Variants in XXYLT1 observed in about 807,000 individuals in gnomAD.
XXYLT1 encodes the protein UDP-xylose:alpha-xyloside alpha-1,3-xylosyltransferase.
XXYLT1 carries 20 observed loss-of-function variants against 28.9 expected under a neutral mutation model. The observed-to-expected ratio is 0.69, with a 90% CI of 0.49 to 1.00. XXYLT1 has a LOEUF of 1.00. Among genes scored for constraint, XXYLT1 ranks in the 50% least tolerant of loss-of-function variants. The probability of loss-of-function intolerance (pLI) is 0.00; values close to 1 mark genes in which losing one functional copy is unlikely to be tolerated. For missense variants in XXYLT1, 542 were observed against 560.1 expected (o/e 0.97, Z 0.33); for synonymous variants, 257 against 253.8 (o/e 1.01, Z -0.12).
chr3:195,088,340 G>C (rs1320411457), intron 3 of XXYLT1, among the ~76,000 whole-genome samples: 1 of 148,846 alleles, frequency 6.7e-6, no homozygotes, highest in Non-Finnish European at 1.5e-5. Context: ...GGAGATCTGA[G>C]AACGGGCAGA....
At chr3:195,239,302 C>T (rs1221307674) in intron 1 of XXYLT1, among the ~76,000 whole-genome samples, 1 of 152,138 alleles carries the variant, frequency 6.6e-6, no homozygotes, top group Non-Finnish European at 1.5e-5. Context: ...GGGTCCTTTG[C>T]CCAGACCAGG....
intron 2 of XXYLT1, among the ~76,000 whole-genome samples, chr3:195,179,574 C>T (rs909637452): frequency 2.0e-5 from 3 of 152,132 alleles, no homozygotes; most frequent in East Asian, 1.9e-4. Context: ...AAGAGGCCTG[C>T]GTGTGTGGAG....
In XXYLT1 at chr3:195,188,514, C is replaced by G. The variant is rs180987313; in HGVS notation, c.653-31933G>C. Among the ~76,000 whole-genome samples the G allele has an allele frequency of 3.6e-3, 542 of 152,362 alleles. 1 individual carries two copies. Among genetic ancestry groups the G allele is most frequent in the Admixed American group, 0.01 (160 of 15,308 alleles). ...GCAGAATTGCTGCTGAGCTGATACT[C>G]TAGGCATGCTGAGTGCTCTAGGTAC... On this transcript the variant is annotated intron_variant, in intron 2 of 3. Coordinates refer to ENST00000310380, the MANE Select transcript of XXYLT1 (RefSeq NM_152531.5).
intron 3 of XXYLT1, among the ~76,000 whole-genome samples, chr3:195,089,330 G>A (rs1405857011): frequency 2.0e-5 from 3 of 152,038 alleles, no homozygotes; most frequent in Admixed American, 2.0e-4. Flanking sequence ...TGGATCTCTC[G>A]GCAGAAACCC....
intron 2 of XXYLT1, chr3:195,207,517 C>T: frequency 2.2e-6 from 1 of 455,568 alleles, no homozygotes; most frequent in South Asian, 1.6e-5. Context: ...AAAAGATAGC[C>T]TTGCTCAAAT....
intron 3 of XXYLT1, among the ~76,000 whole-genome samples, chr3:195,084,098 TCTC>T (rs1414274620): frequency 3.9e-5 from 6 of 152,150 alleles, no homozygotes; most frequent in African/African-American, 1.4e-4. Context: ...AAAGAGCTCA[TCTC>T]CTGTGCTTTC....
intron 2 of XXYLT1, among the ~76,000 whole-genome samples, chr3:195,212,659 G>T (rs1361773097): frequency 6.6e-6 from 1 of 152,208 alleles, no homozygotes; most frequent in Non-Finnish European, 1.5e-5. Context: ...GCATGCGAGG[G>T]ATCTAGGCTG....
chr3:195,251,255 C>T lies in XXYLT1; in HGVS notation c.504+19300G>A, dbSNP rs1725241044. 1.3e-5 allele frequency among the ~76,000 whole-genome samples: 2 copies of T among 152,242 alleles called. 1 individual carries two copies. Among genetic ancestry groups the T allele is most frequent in the Non-Finnish European group, 2.9e-5 (2 of 68,038 alleles). ...GGTTAGGAAAAGCAGAGACCACTTG[C>T]TAACTGCAAAAATCAAGTGGATGAC... On this transcript the variant is annotated intron_variant, in intron 1 of 3. Coordinates refer to ENST00000310380, the MANE Select transcript of XXYLT1 (RefSeq NM_152531.5).
At chr3:195,225,216 C>G (rs995496590) in intron 2 of XXYLT1, among the ~76,000 whole-genome samples, 1 of 152,226 alleles carries the variant, frequency 6.6e-6, no homozygotes, top group African/African-American at 2.4e-5. Flanking sequence ...GATCTTCACC[C>G]TAGGCCCTGT....
At chr3:195,119,964 C>G (rs1478443829) in intron 3 of XXYLT1, among the ~76,000 whole-genome samples, 1 of 152,166 alleles carries the variant, frequency 6.6e-6, no homozygotes, top group African/African-American at 2.4e-5. Context: ...TCCCTGCATT[C>G]CCTTGGGATG....
intron 2 of XXYLT1, among the ~76,000 whole-genome samples, chr3:195,196,342 G>A (rs1722623254): frequency 1.3e-5 from 2 of 152,230 alleles, no homozygotes; most frequent in South Asian, 2.1e-4. Flanking sequence ...AGGGCAAGAT[G>A]CTCCCTAGCC....
intron 1 of XXYLT1, chr3:195,259,698 A>T (rs1040474544): frequency 1.5e-5 from 15 of 984,460 alleles, no homozygotes; most frequent in Non-Finnish European, 1.3e-5. Context: ...CCAGGGACAG[A>T]CCCAGCACCA....
intron 2 of XXYLT1, among the ~76,000 whole-genome samples, chr3:195,169,223 C>T (rs533234377): frequency 4.6e-5 from 7 of 152,374 alleles, no homozygotes; most frequent in Admixed American, 6.5e-5. Context: ...GATGAGCTCA[C>T]GTGGGCTCTC....
At chr3:195,109,637 GGT>G (rs1482759313) in intron 3 of XXYLT1, among the ~76,000 whole-genome samples, 9 of 116,566 alleles carry the variant, frequency 7.7e-5, no homozygotes, top group East Asian at 6.8e-4. Context: ...GTGTCTGTGT[GGT>G]GTGTGTGGTG....
chr3:195,260,731 G>C (rs1349558949), intron 1 of XXYLT1, among the ~76,000 whole-genome samples: 1 of 152,220 alleles, frequency 6.6e-6, no homozygotes, highest in Non-Finnish European at 1.5e-5. Flanking sequence ...TCTAAAGGCA[G>C]CTCGCTGTGG....
intron 2 of XXYLT1, among the ~76,000 whole-genome samples, chr3:195,177,936 TAAAAA>T (rs56022005): frequency 4.0e-4 from 46 of 115,610 alleles, no homozygotes; most frequent in South Asian, 1.4e-3. Context: ...CTCTGTCTCT[TAAAAA>T]AAAAAAAAAA....
chr3:195,251,602 T>C (rs749700533), intron 1 of XXYLT1, among the ~76,000 whole-genome samples: 1 of 152,128 alleles, frequency 6.6e-6, no homozygotes, highest in Non-Finnish European at 1.5e-5. Flanking sequence ...TCTCGGAAGG[T>C]TGGCCCCAGT....
At chr3:195,163,132 G>T (rs79626163) in intron 2 of XXYLT1, among the ~76,000 whole-genome samples, 6,171 of 152,226 alleles carry the variant, frequency 0.041, 434 homozygotes, top group African/African-American at 0.14. Flanking sequence ...ACCCCTGGGG[G>T]AGAAGCTGTA....
At chr3:195,089,671 T>G (rs1387565703) in intron 3 of XXYLT1, among the ~76,000 whole-genome samples, 1 of 151,460 alleles carries the variant, frequency 6.6e-6, no homozygotes, top group Non-Finnish European at 1.5e-5. Flanking sequence ...AATTCACACA[T>G]AACAATATTA....
Sources: gnomAD v4.1 joint callset for allele counts (sites outside exome capture counted in the v4.1 genomes callset) on GRCh38, gnomAD v4.1.1 for gene constraint, MANE v1.5 for transcripts, NCBI Gene and HGNC (gene_info 2026-07-23, HGNC 2026-07-21) for gene names.